ADAM15: variants seen among roughly 807,000 people sequenced by gnomAD.
ADAM15 encodes disintegrin and metalloproteinase domain-containing protein 15.
A neutral mutation model predicts 113.8 loss-of-function variants in ADAM15; 77 were observed. The ratio of observed to expected loss-of-function variants is 0.68; its 90% CI spans 0.56 to 0.82. The LOEUF (loss-of-function observed/expected upper bound fraction) is 0.82, where lower values mean the gene tolerates loss of function less well. ADAM15 is among the 40% of genes least tolerant of loss of function. The probability of loss-of-function intolerance (pLI) is 0.00; values close to 1 mark genes in which losing one functional copy is unlikely to be tolerated. For missense variants in ADAM15, 963 were observed against 1,120.1 expected (o/e 0.86, Z 2.00); for synonymous variants, 388 against 454.1 (o/e 0.85, Z 1.85).
rs781245417 is a variant in ADAM15 at position 155,061,999 on chromosome 1, CA to C, written c.2424+25del. 10 of 1,538,742 alleles carry C rather than the reference CA, an allele frequency of 6.5e-6. No homozygotes were observed. The East Asian group carries it at 1.6e-4, about 25-fold the overall frequency. ...AGGTAACGGTGGGGGGAGAGAAGGG[CA>C]CGGCCTCTCCCCCCACCTAGGGCTG... is the stretch of plus-strand genomic sequence containing the variant. On this transcript the variant is annotated intron_variant, in intron 21 of 22. Coordinates refer to ENST00000356955, the MANE Select transcript of ADAM15 (RefSeq NM_207197.3).
chr1:155,052,801 A>G, intron 2 of ADAM15, 24 bp downstream of exon 2: 3 of 1,589,946 alleles, frequency 1.9e-6, no homozygotes, highest in Non-Finnish European at 2.6e-6. Context: ...CCCCTCTAAT[A>G]AATAAACGAA....
chr1:155,056,042 C>A lies in ADAM15; in HGVS notation c.745-38C>A, dbSNP rs1661716808. 1 of 1,612,452 alleles carries A rather than the reference C, an allele frequency of 6.2e-7. No homozygotes were observed. The highest frequency in any genetic ancestry group is 1.7e-5 in the Admixed American group (1 of 60,002). ...GCAACCCCCACCCCAGGCCCCTGAC[C>A]ATGGCAACCCCTCTTCTGAGCCCCA... On this transcript the variant is annotated intron_variant, in intron 8 of 22. Transcript: ENST00000356955. The surrounding 1 kb of genome is among the most constrained non-coding windows in gnomAD (Gnocchi z 4.0).
At chr1:155,055,902 G>A (rs376979226) in intron 7 of ADAM15, 30 bp from the exon 8 acceptor site, 152 of 1,613,990 alleles carry the variant, frequency 9.4e-5, no homozygotes, top group Non-Finnish European at 8.7e-5. Flanking sequence ...CTGCCCTGCC[G>A]CCTTTCATGT....
intron 18 of ADAM15, 70 bp downstream of exon 18, chr1:155,060,413 C>T: frequency 1.9e-6 from 3 of 1,585,822 alleles, no homozygotes; most frequent in Non-Finnish European, 1.7e-6. Context: ...CTCACCTCTG[C>T]AGCCCCTGCC....
chr1:155,062,511 G>T lies in ADAM15; in HGVS notation c.*9G>T. On this transcript the variant is annotated 3_prime_UTR_variant, in exon 23 of 23. Transcript: ENST00000356955. This position sits in a 1 kb window ranked among gnomAD's most constrained non-coding sequence, Gnocchi z 7.0. ...CCTCGCTCTACCTCTGACCTCTCCG[G>T]AGGTTCCGCTGCCTCCAAGCCGGAC... 6.2e-7 allele frequency: 1 copy of T among 1,612,732 alleles called. No homozygotes were observed. Among genetic ancestry groups the T allele is most frequent in the Non-Finnish European group, 8.5e-7 (1 of 1,179,736 alleles).
Position 155,051,435 on chromosome 1 carries a change from C to T in ADAM15, c.49C>T (p.Pro17Ser), listed in dbSNP as rs1174771197. 4 of 1,567,576 alleles carry T rather than the reference C, an allele frequency of 2.6e-6. No individual in the cohort carries two copies. The highest frequency in any genetic ancestry group is 3.4e-6 in the Non-Finnish European group (4 of 1,162,238). Reference sequence around the variant, plus strand: ...CCTGGGGCTCCTGGGCGCGGGCAGCCCTCTGCCTTCCTGGCCGCTCCCAAA... The same window carrying T: ...CCTGGGGCTCCTGGGCGCGGGCAGCTCTCTGCCTTCCTGGCCGCTCCCAAA... ...WALGLLGAGS[P>S]LPSWPLPNIG... Residue 17 changes from proline to serine, a missense_variant, in exon 1 of 23, where the codon CCT becomes TCT. Pro to Ser is a moderately conservative substitution (Grantham distance 74). Transcript: ENST00000356955.
intron 6 of ADAM15, 69 bp downstream of exon 6, chr1:155,054,575 T>C (rs1661515085): frequency 2.1e-6 from 3 of 1,459,180 alleles, no homozygotes; most frequent in African/African-American, 2.8e-5. Context: ...CTTAGAGCTA[T>C]GTGTGCACAG....
intron 20 of ADAM15, 185 bp downstream of exon 20, chr1:155,061,674 C>G: frequency 1.3e-6 from 1 of 796,322 alleles, no homozygotes; most frequent in Non-Finnish European, 1.9e-6. Context: ...GTTTCTACCA[C>G]CATCTGGTGG....
chr1:155,056,950 C>G lies in ADAM15; in HGVS notation c.1000-3C>G, dbSNP rs761977624. ...GACCTACAGTACCCCTCCCCAATGA[C>G]AGGACCACTCCACCAGCATCCTGGG... On this transcript the variant is annotated splice_region_variant and splice_polypyrimidine_tract_variant and intron_variant, in intron 10 of 22. Coordinates refer to ENST00000356955, the MANE Select transcript of ADAM15 (RefSeq NM_207197.3). This position sits in a 1 kb window ranked among gnomAD's most constrained non-coding sequence, Gnocchi z 4.0. 6 of 1,551,120 alleles carry G rather than the reference C, an allele frequency of 3.9e-6. No individual in the cohort carries two copies. The East Asian group carries it at 1.4e-4, about 35-fold the overall frequency.
intron 19 of ADAM15, 124 bp downstream of exon 19, chr1:155,060,956 A>C: frequency 1.0e-6 from 1 of 975,596 alleles, no homozygotes; most frequent in Non-Finnish European, 1.5e-6. Flanking sequence ...GAGTCAGTCG[A>C]AGGAGTCAGG....
intron 3 of ADAM15, 22 bp from the exon 4 acceptor site, chr1:155,053,888 C>T (rs1033339331): frequency 1.9e-6 from 3 of 1,612,894 alleles, no homozygotes; most frequent in Non-Finnish European, 2.5e-6. Context: ...TTAGCACTGC[C>T]TTCTTTTTCT....
At chr1:155,061,661 T>G in intron 20 of ADAM15, 172 bp downstream of exon 20, 1 of 841,264 alleles carries the variant, frequency 1.2e-6, no homozygotes, top group Non-Finnish European at 1.8e-6. Context: ...GCCTCCTGCC[T>G]TGGTTTCTAC....
rs1021723791 is a variant in ADAM15 at position 155,062,068 on chromosome 1, C to G, written c.2424+93C>G. 2.5e-5 allele frequency: 37 copies of G among 1,482,002 alleles called. No homozygotes were observed. The highest frequency in any genetic ancestry group is 3.2e-5 in the Non-Finnish European group (36 of 1,115,010). The allele number at this position is 1,482,002 out of a possible 1,614,324, so 91.8% of individuals were successfully genotyped here. On this transcript the variant is annotated intron_variant, in intron 21 of 22. Transcript: ENST00000356955. The surrounding 1 kb of genome is among the most constrained non-coding windows in gnomAD (Gnocchi z 7.0). ...ACGGTGGTGGCCGTGGCGAGATGCC[C>G]CCTCAGTGCATGAGGGCACATATCC...
rs998393620 is a variant in ADAM15 at position 155,062,654 on chromosome 1, C to A, written c.*152C>A. ...CCACGCGCTGTCAAGCAACACTCTG[C>A]GGACCTGCCGGCGTAGTTGCAGCGG... is the stretch of plus-strand genomic sequence containing the variant. On this transcript the variant is annotated 3_prime_UTR_variant, in exon 23 of 23. Coordinates refer to ENST00000356955, the MANE Select transcript of ADAM15 (RefSeq NM_207197.3). The surrounding 1 kb of genome is among the most constrained non-coding windows in gnomAD (Gnocchi z 7.0). 2 of 1,092,726 alleles carry A rather than the reference C, an allele frequency of 1.8e-6. No individual in the cohort carries two copies. The highest frequency in any genetic ancestry group is 2.6e-6 in the Non-Finnish European group (2 of 775,286). The allele number at this position is 1,092,726 out of a possible 1,614,324, so 67.7% of individuals were successfully genotyped here.
chr1:155,057,731 T>C lies in ADAM15; in HGVS notation c.1416+2T>C, dbSNP rs761767675. The C allele has an allele frequency of 6.2e-7, 1 of 1,614,130 alleles. No individual in the cohort carries two copies. Among genetic ancestry groups the C allele is most frequent in the East Asian group, 2.2e-5 (1 of 44,884 alleles). On this transcript the variant is annotated splice_donor_variant, in intron 13 of 22. Transcript: ENST00000356955. LOFTEE classifies it high-confidence loss of function. The surrounding 1 kb of genome is among the most constrained non-coding windows in gnomAD (Gnocchi z 5.0). ...GGACCCTGTTGTCAAAATTGCCAGG[T>C]GGGTAGAGACTAGACTGGCCACCCG... is the stretch of plus-strand genomic sequence containing the variant.
Position 155,062,497 on chromosome 1 carries a change from C to G in ADAM15, c.2587C>G (p.Leu863Val). The change falls in exon 23 of 23, where the codon CTC (leucine) becomes GTC (valine). Residue 863 changes from leucine to valine, a missense_variant. Physicochemically the swap from Leu to Val is conservative, Grantham distance 32. Coordinates refer to ENST00000356955, the MANE Select transcript of ADAM15 (RefSeq NM_207197.3). The surrounding 1 kb of genome is among the most constrained non-coding windows in gnomAD (Gnocchi z 7.0). ...GCCTCCGACAGTGTCCTCGCTCTAC[C>G]TCTGACCTCTCCGGAGGTTCCGCTG... is the stretch of plus-strand genomic sequence containing the variant. ...PPPPTVSSLY[L>V] 6.2e-7 allele frequency: 1 copy of G among 1,613,336 alleles called. No individual in the cohort carries two copies. The highest frequency in any genetic ancestry group is 1.3e-5 in the African/African-American group (1 of 75,054).
rs368610599 is a variant in ADAM15, at chr1:155,053,973, T to A, written c.327T>A (p.Ser109Arg). 69 of 1,614,066 alleles carry A rather than the reference T, an allele frequency of 4.3e-5. No individual in the cohort carries two copies. Among genetic ancestry groups the A allele is most frequent in the Non-Finnish European group, 5.7e-5 (67 of 1,180,038 alleles). Residue 109 changes from serine (S) to arginine (R), a missense_variant, in exon 4 of 23, where the codon AGT becomes AGA. Physicochemically the swap from Ser to Arg is moderately radical, Grantham distance 110 (BLOSUM62 -1). Transcript: ENST00000356955. ...WYQPDGTRVVSEGHTLENCCY... is the reference protein window; with the variant it reads ...WYQPDGTRVVREGHTLENCCY... The stretch of plus-strand genomic sequence containing the variant: ...AGCCCGATGGCACTCGGGTGGTCAG[T>A]GAGGGACACACTTTGGTGAGTCAGG...
At chr1:155,052,815 A>G (rs770170364) in intron 2 of ADAM15, 38 bp downstream of exon 2, 1 of 1,570,052 alleles carries the variant, frequency 6.4e-7, no homozygotes, top group Non-Finnish European at 8.6e-7. Context: ...AAACGAATCC[A>G]CACACGCCCC....
chr1:155,057,048 C>T lies in ADAM15; in HGVS notation c.1095C>T (p.Cys365=). Residue 365 remains cysteine (C), a synonymous_variant, in exon 11 of 23, where the codon TGC becomes TGT. Coordinates refer to ENST00000356955, the MANE Select transcript of ADAM15 (RefSeq NM_207197.3). The surrounding 1 kb of genome is among the most constrained non-coding windows in gnomAD (Gnocchi z 5.0). ...GLDHDLPGNS[C]PCPGPAPAKT... is the part of the protein sequence containing the mutation. ...ACCATGATTTGCCTGGGAATAGCTG[C>T]CCCTGTCCAGGTCCAGCCCCAGCCA... is the stretch of plus-strand genomic sequence containing the variant. The T allele has an allele frequency of 6.2e-7, 1 of 1,604,374 alleles. No homozygotes were observed. Among genetic ancestry groups the T allele is most frequent in the Non-Finnish European group, 8.5e-7 (1 of 1,173,920 alleles).
Sources: allele counts gnomAD v4.1 joint callset, GRCh38; gene constraint gnomAD v4.1.1; non-coding constraint Gnocchi (gnomAD v3.1); transcripts MANE v1.5; gene names NCBI Gene and HGNC (gene_info 2026-07-23, HGNC 2026-07-21).